Variants in RNF17 observed in about 807,000 individuals in gnomAD.
RNF17 encodes the protein ring finger protein 17.
In RNF17, 31 loss-of-function variants were observed where a neutral mutation model predicts 200.5. The ratio of observed to expected loss-of-function variants is 0.15; its 90% CI spans 0.12 to 0.21. RNF17 has a LOEUF of 0.21. RNF17 is among the 10% of genes least tolerant of loss of function. The probability of loss-of-function intolerance (pLI) is 1.00; values close to 1 mark genes in which losing one functional copy is unlikely to be tolerated. For missense variants in RNF17, 1,628 were observed against 1,905.1 expected (o/e 0.85, Z 2.71); for synonymous variants, 606 against 637.8 (o/e 0.95, Z 0.75).
intron 26 of RNF17, among the ~76,000 whole-genome samples, chr13:24,859,743 T>G (rs1294723372): frequency 6.6e-6 from 1 of 152,112 alleles, no homozygotes; most frequent in Non-Finnish European, 1.5e-5. Flanking sequence ...GGAGAAAAAC[T>G]TAAGTGAAAA....
intron 33 of RNF17, among the ~76,000 whole-genome samples, chr13:24,876,344 G>T (rs924934961): frequency 6.6e-6 from 1 of 152,068 alleles, no homozygotes; most frequent in Non-Finnish European, 1.5e-5. Context: ...GTGGAACTTG[G>T]GTTGCTCCCC....
At chr13:24,812,794 G>T (rs1181204261) in intron 15 of RNF17, among the ~76,000 whole-genome samples, 9 of 151,050 alleles carry the variant, frequency 6.0e-5, no homozygotes, top group African/African-American at 2.2e-4. Flanking sequence ...CCATTCTCAT[G>T]CCTCAGCCTC....
intron 2 of RNF17, among the ~76,000 whole-genome samples, chr13:24,769,150 T>C (rs1434172011): frequency 6.6e-6 from 1 of 151,402 alleles, no homozygotes; most frequent in Non-Finnish European, 1.5e-5. Context: ...AGCAGGCAGC[T>C]GGAACTGTCT....
At position 24,800,907 on chromosome 13, in the gene RNF17, GTAT is replaced by G. The variant is rs1410312905; in HGVS notation, c.1758+378_1758+380del. On this transcript the variant is annotated intron_variant, in intron 13 of 35. Coordinates refer to ENST00000255324, the MANE Select transcript of RNF17 (RefSeq NM_031277.3). The stretch of plus-strand genomic sequence containing the variant: ...ATGGCCATATTGCATTCTGCGTTTT[GTAT>G]TATTTATGAAAATCTATTCTCCAGC... Among the ~76,000 whole-genome samples, 3 of 151,888 alleles carry G rather than the reference GTAT, an allele frequency of 2.0e-5. No homozygotes were observed. The East Asian group carries it at 5.8e-4, about 29-fold the overall frequency.
rs1209898132 is a variant in RNF17, at chr13:24,877,029, A to G, written c.4616A>G (p.Tyr1539Cys). The G allele has an allele frequency of 6.2e-7, 1 of 1,609,880 alleles. No homozygotes were observed. The highest frequency in any genetic ancestry group is 1.7e-5 in the Admixed American group (1 of 58,688). ...LCQIPSHLMR[Y>C]PARAIKVLLA... The stretch of plus-strand genomic sequence containing the variant: ...CAAATTCCTTCTCATCTTATGCGGT[A>G]TCCAGCTCGAGCCATAAAGGTTCTC... Residue 1539 changes from tyrosine to cysteine, a missense_variant, in exon 34 of 36, where the codon TAT becomes TGT. By Grantham distance (194) the Tyr-to-Cys change is radical (BLOSUM62 -2). Transcript: ENST00000255324.
At chr13:24,764,370 C>T (rs762686330) in intron 1 of RNF17, 37 bp downstream of exon 1, 1 of 1,538,560 alleles carries the variant, frequency 6.5e-7, no homozygotes, top group Non-Finnish European at 8.8e-7. Context: ...GGGGAGGCAG[C>T]CTGGAGGGAG....
intron 15 of RNF17, among the ~76,000 whole-genome samples, chr13:24,804,691 G>A (rs1885640725): frequency 6.6e-6 from 1 of 152,082 alleles, no homozygotes; most frequent in South Asian, 2.1e-4. Context: ...AGCATATAGA[G>A]TTAGCAAATA....
At chr13:24,847,762 C>G (rs1166765491) in intron 22 of RNF17, among the ~76,000 whole-genome samples, 1 of 152,168 alleles carries the variant, frequency 6.6e-6, no homozygotes, top group East Asian at 1.9e-4. Context: ...ATCTTACAGG[C>G]ACCTCTTCCT....
chr13:24,764,483 C>G (rs1035989256), intron 1 of RNF17, 150 bp downstream of exon 1: 2 of 1,174,120 alleles, frequency 1.7e-6, no homozygotes, highest in South Asian at 2.0e-5. Context: ...GAGCTGCACC[C>G]GACCTCTAAG....
chr13:24,753,410 G>C, the RNF17 span, among the ~76,000 whole-genome samples: 1 of 152,188 alleles, frequency 6.6e-6, no homozygotes, highest in Non-Finnish European at 1.5e-5. Context: ...ACACTTCAGT[G>C]CTGAATAGTT....
chr13:24,766,130 C>T (rs34574881), intron 1 of RNF17, among the ~76,000 whole-genome samples: 19,750 of 152,006 alleles, frequency 0.13, 1,384 homozygotes, highest in Admixed American at 0.15. Context: ...CTCCGGAGGC[C>T]GAGGCAGGAG....
At chr13:24,751,942 GC>G in the RNF17 span, 1 of 152,156 alleles carries the variant, frequency 6.6e-6, no homozygotes, top group African/African-American at 2.4e-5. Flanking sequence ...TGTACAGCAG[GC>G]GTGAAGGCTG....
intron 3 of RNF17, among the ~76,000 whole-genome samples, chr13:24,776,749 C>A (rs997523476): frequency 6.6e-6 from 1 of 152,152 alleles, no homozygotes; most frequent in Non-Finnish European, 1.5e-5. Context: ...GAGGGCTCAC[C>A]CCCTCTGAAG....
At chr13:24,866,733 CAGGTACA>C (rs1893664398) in intron 30 of RNF17, among the ~76,000 whole-genome samples, 1 of 128,796 alleles carries the variant, frequency 7.8e-6, no homozygotes, top group Non-Finnish European at 1.6e-5. Flanking sequence ...GCTGTCTGAT[CAGGTACA>C]AGTTTTTATG....
chr13:24,827,192 A>G (rs1011177427), intron 16 of RNF17, among the ~76,000 whole-genome samples: 1 of 152,058 alleles, frequency 6.6e-6, no homozygotes, highest in Non-Finnish European at 1.5e-5. Context: ...TCAGCCTTCC[A>G]AAGATGTTGG....
the RNF17 span, chr13:24,751,931 A>G: frequency 6.6e-6 from 1 of 152,200 alleles, no homozygotes; most frequent in Non-Finnish European, 1.5e-5. Context: ...ACGAGCCATA[A>G]TGTACAGCAG....
chr13:24,878,830 A>G (rs896166107), intron 34 of RNF17, among the ~76,000 whole-genome samples: 1 of 152,184 alleles, frequency 6.6e-6, no homozygotes, highest in Non-Finnish European at 1.5e-5. Context: ...CCAGCCATTG[A>G]GGCATCCCTC....
In RNF17 at chr13:24,810,327, G is replaced by A. The variant is rs1195436148; in HGVS notation, c.2091+5898G>A. ...TTGCTTTATGAATCTGGGTGCTCCTGTATTGGGTGCATATATATTTAGGAT... is the reference window on the plus strand; with the variant it reads ...TTGCTTTATGAATCTGGGTGCTCCTATATTGGGTGCATATATATTTAGGAT... On this transcript the variant is annotated intron_variant, in intron 15 of 35. Transcript: ENST00000255324. Among the ~76,000 whole-genome samples the A allele has an allele frequency of 9.4e-5, 13 of 138,978 alleles. No homozygotes were observed. In the East Asian group the frequency reaches 1.0e-3, roughly 11 times the overall value. The allele number at this position is 138,978 out of a possible 152,430, so 91.2% of individuals were successfully genotyped here.
chr13:24,776,711 A>G (rs970580364), intron 3 of RNF17, among the ~76,000 whole-genome samples: 1 of 152,238 alleles, frequency 6.6e-6, no homozygotes, highest in Non-Finnish European at 1.5e-5. Context: ...AGTTTAAACA[A>G]TGAGTGGTGA....
Sources: gnomAD v4.1 joint callset for allele counts (sites outside exome capture counted in the v4.1 genomes callset) on GRCh38, gnomAD v4.1.1 for gene constraint, MANE v1.5 for transcripts, NCBI Gene and HGNC (gene_info 2026-07-23, HGNC 2026-07-21) for gene names.